Variants in DOCK5 observed in about 807,000 individuals in gnomAD.
DOCK5 encodes dedicator of cytokinesis 5, also known as dedicator of cytokinesis protein 5.
A neutral mutation model predicts 251.8 loss-of-function variants in DOCK5; 142 were observed. The ratio of observed to expected loss-of-function variants is 0.56; its 90% confidence interval spans 0.49 to 0.65. The LOEUF (loss-of-function observed/expected upper bound fraction) is 0.65, where lower values mean the gene tolerates loss of function less well. Among genes scored for constraint, DOCK5 ranks in the 30% least tolerant of loss-of-function variants. DOCK5 has a pLI of 0.00. For synonymous variants in DOCK5, 842 were observed against 835.5 expected, an observed-to-expected ratio of 1.01 and a Z score of -0.13; for missense variants, 2,111 against 2,312.3, an observed-to-expected ratio of 0.91 and a Z score of 1.79.
rs977352573 is a variant in DOCK5 at position 25,304,457 on chromosome 8, A to G, written c.1049+130A>G. The G allele has an allele frequency of 7.7e-6, 6 of 776,082 alleles. No homozygotes were observed. In the African/African-American group the frequency reaches 1.1e-4, roughly 14 times the overall value. The allele number at this position is 776,082 out of a possible 1,614,324, so 48.1% of individuals were successfully genotyped here. The stretch of plus-strand genomic sequence containing the variant: ...AAAGATTCTAAGCTGCAAGATTGTC[A>G]GATAGGAGCTGAACAGAAGACTTTA... On this transcript the variant is annotated intron_variant, in intron 11 of 51. Coordinates refer to ENST00000276440, the MANE Select transcript of DOCK5 (RefSeq NM_024940.8).
At position 25,184,952 on chromosome 8, in the gene DOCK5, G is replaced by T; in HGVS notation, c.43+1G>T. The T allele has an allele frequency of 7.0e-7, 1 of 1,432,408 alleles. No individual in the cohort carries two copies. The allele number at this position is 1,432,408 out of a possible 1,614,324, so 88.7% of individuals were successfully genotyped here. On this transcript the variant is annotated splice_donor_variant, in intron 1 of 51. Transcript: ENST00000276440. LOFTEE classifies it high-confidence loss of function. ...ACCAAGAGGCAGAAGTACGGGGTTG[G>T]TGAGTGCGCGCCCCACCTTGTCCCG...
At chr8:25,282,536 TACA>T (rs1214462317) in intron 5 of DOCK5, among the ~76,000 whole-genome samples, 18 of 152,126 alleles carry the variant, frequency 1.2e-4, no homozygotes, top group African/African-American at 4.1e-4. Flanking sequence ...CCCTGTAGAT[TACA>T]ACACCAGACG....
intron 16 of DOCK5, among the ~76,000 whole-genome samples, chr8:25,321,991 G>A (rs747222911): frequency 6.6e-6 from 1 of 152,090 alleles, no homozygotes; most frequent in Non-Finnish European, 1.5e-5. Flanking sequence ...CAAGTCTTAG[G>A]TCACAGTTCT....
At chr8:25,299,177 T>C in intron 8 of DOCK5, 76 bp downstream of exon 8, 1 of 1,508,168 alleles carries the variant, frequency 6.6e-7, no homozygotes. Context: ...CCCGGGCAGC[T>C]CTTTGCCAGA....
At chr8:25,374,229 A>G (rs1433095825) in intron 36 of DOCK5, among the ~76,000 whole-genome samples, 2 of 152,154 alleles carry the variant, frequency 1.3e-5, no homozygotes, top group African/African-American at 4.8e-5. Context: ...GCTTCTGTAC[A>G]GTAGTGGGGA....
chr8:25,207,251 G>A (rs1802022202), intron 1 of DOCK5, among the ~76,000 whole-genome samples: 1 of 152,214 alleles, frequency 6.6e-6, no homozygotes, highest in Non-Finnish European at 1.5e-5. Flanking sequence ...CCATAGCATA[G>A]AAGTGCAAGG....
Position 25,364,696 on chromosome 8 carries a change from G to A in DOCK5, c.3115G>A (p.Glu1039Lys), listed in dbSNP as rs1245850430. 1.9e-6 allele frequency: 3 copies of A among 1,591,038 alleles called. No homozygotes were observed. Among genetic ancestry groups the A allele is most frequent in the African/African-American group, 1.3e-5 (1 of 74,804 alleles). The change falls in exon 30 of 52, where the codon GAA (glutamate) becomes AAA (lysine). Residue 1039 changes from glutamate (E) to lysine (K), a missense_variant. By Grantham distance (56) the Glu-to-Lys change is moderately conservative (BLOSUM62 1). Around this residue, in one of 3 missense-constraint regions of DOCK5, gnomAD observed 1,717 missense variants for 1,892.4 expected, o/e 0.91. Coordinates refer to ENST00000276440, the MANE Select transcript of DOCK5 (RefSeq NM_024940.8). ...ATTCTTCATGGATCAGGCAAGCTTT[G>A]AACTTCAGGTAGGCATGTGACTCAC... ...TRFFMDQASF[E>K]LQLWNNYFHL...
intron 1 of DOCK5, among the ~76,000 whole-genome samples, chr8:25,209,876 C>T (rs1198373550): frequency 1.5e-5 from 1 of 65,690 alleles, no homozygotes; most frequent in East Asian, 3.3e-4. Flanking sequence ...TCAAAAGACA[C>T]CATACTTCTT....
chr8:25,327,201 G>A (rs1446098259), intron 18 of DOCK5, among the ~76,000 whole-genome samples: 3 of 152,162 alleles, frequency 2.0e-5, no homozygotes, highest in Non-Finnish European at 4.4e-5. Flanking sequence ...CAGCTATCAC[G>A]ATCATCATCA....
At chr8:25,348,837 CA>C (rs574264117) in intron 26 of DOCK5, among the ~76,000 whole-genome samples, 4,047 of 115,732 alleles carry the variant, frequency 0.035, 57 homozygotes, top group South Asian at 0.095. Context: ...GACTCTGTCT[CA>C]AAAAAAAAAA....
At chr8:25,401,184 G>A in intron 47 of DOCK5, 118 bp downstream of exon 47, 2 of 1,384,764 alleles carry the variant, frequency 1.4e-6, no homozygotes, top group Non-Finnish European at 2.0e-6. Flanking sequence ...CATGGAAATA[G>A]TGAGGCTGGT....
intron 1 of DOCK5, among the ~76,000 whole-genome samples, chr8:25,185,386 G>T (rs75726880): frequency 5.3e-5 from 8 of 152,018 alleles, no homozygotes; most frequent in East Asian, 1.9e-4. Flanking sequence ...TCTGCCCCCC[G>T]CTTTCGTAGG....
intron 48 of DOCK5, among the ~76,000 whole-genome samples, chr8:25,405,640 A>C (rs1182332480): frequency 6.6e-6 from 1 of 152,104 alleles, no homozygotes; most frequent in Non-Finnish European, 1.5e-5. Flanking sequence ...TCACTGTTAG[A>C]TTAACTTGTC....
At chr8:25,308,138 A>C (rs990058594) in intron 11 of DOCK5, among the ~76,000 whole-genome samples, 8 of 152,146 alleles carry the variant, frequency 5.3e-5, no homozygotes, top group Non-Finnish European at 1.2e-4. Flanking sequence ...TTCTGCCTTC[A>C]GTAGAATGGA....
chr8:25,243,332 CTTT>C (rs539379147), intron 1 of DOCK5, among the ~76,000 whole-genome samples: 7 of 138,624 alleles, frequency 5.0e-5, no homozygotes, highest in Admixed American at 7.3e-5. Context: ...GACATGCATT[CTTT>C]TTTTTTTTTT....
intron 1 of DOCK5, among the ~76,000 whole-genome samples, chr8:25,237,459 C>G (rs560338048): frequency 1.2e-4 from 18 of 152,322 alleles, no homozygotes; most frequent in East Asian, 9.6e-4. Flanking sequence ...ACTCAGTTTG[C>G]AGCCAGTAAG....
At chr8:25,279,202 C>T (rs1188522810) in intron 5 of DOCK5, among the ~76,000 whole-genome samples, 1 of 152,104 alleles carries the variant, frequency 6.6e-6, no homozygotes, top group East Asian at 1.9e-4. Flanking sequence ...CCTTTTTGGG[C>T]AGACTCACAG....
At chr8:25,379,618 G>A (rs138100727) in intron 38 of DOCK5, among the ~76,000 whole-genome samples, 2,386 of 152,076 alleles carry the variant, frequency 0.016, 27 homozygotes, top group Non-Finnish European at 0.026. Context: ...CTGAGGTGAC[G>A]TACATCCTCA....
In DOCK5 at chr8:25,389,110, G is replaced by A. The variant is rs779639515; in HGVS notation, c.4151G>A (p.Arg1384Gln). Residue 1384 changes from arginine (R) to glutamine (Q), a missense_variant, in exon 41 of 52, where the codon CGG becomes CAG. Arg to Gln is a conservative substitution (Grantham distance 43, BLOSUM62 1). Around this residue, in one of 3 missense-constraint regions of DOCK5, gnomAD observed 1,717 missense variants for 1,892.4 expected, o/e 0.91. Transcript: ENST00000276440. Reference sequence around the variant, plus strand: ...CTGCAGAATAAAATCTTCATCTATCGGGGAAAGGAGTATGAGAGGCGAGAG... The same window carrying A: ...CTGCAGAATAAAATCTTCATCTATCAGGGAAAGGAGTATGAGAGGCGAGAG... ...SFLRNKIFIY[R>Q]GKEYERREDF... 12 of 1,613,666 alleles carry A rather than the reference G, an allele frequency of 7.4e-6. No homozygotes were observed. The highest frequency in any genetic ancestry group is 4.5e-5 in the East Asian group (2 of 44,876).
Sources: gnomAD v4.1 joint callset for allele counts (sites outside exome capture counted in the v4.1 genomes callset) on GRCh38, gnomAD v4.1.1 for gene constraint, gnomAD v4.1.1 regional missense constraint, MANE v1.5 for transcripts, NCBI Gene and HGNC (gene_info 2026-07-23, HGNC 2026-07-21) for gene names.